Variants in ACVR1C observed in about 807,000 individuals in gnomAD.
ACVR1C encodes activin A receptor type 1C.
In ACVR1C, 23 loss-of-function variants were observed where a neutral mutation model predicts 57.9. The ratio of observed to expected loss-of-function variants is 0.40; its 90% CI spans 0.29 to 0.56. The LOEUF (loss-of-function observed/expected upper bound fraction) is 0.56, where lower values mean the gene tolerates loss of function less well. Among genes scored for constraint, ACVR1C ranks in the 20% least tolerant of loss-of-function variants. The pLI is 0.50. For synonymous variants in ACVR1C, 214 were observed against 215.3 expected (o/e 0.99, Z 0.05); for missense variants, 480 against 607.9 (o/e 0.79, Z 2.21).
chr2:157,574,707 A>C (rs571372350), intron 2 of ACVR1C, among the ~76,000 whole-genome samples: 105 of 152,308 alleles, frequency 6.9e-4, no homozygotes, highest in African/African-American at 2.4e-3. Context: ...ATTGGGTTTA[A>C]CTACAAATAA....
At position 157,527,466 on chromosome 2, in the gene ACVR1C, TAAG is replaced by T. The variant is rs1687254735; in HGVS notation, c.*6449_*6451del. Reference sequence around the variant, plus strand: ...GACATTTGTAATATGTTCTTAGGTATAAGAAGAGTCACGCTACCAAAAGAAAAG... The same window carrying T: ...GACATTTGTAATATGTTCTTAGGTATAAGAGTCACGCTACCAAAAGAAAAG... On this transcript the variant is annotated 3_prime_UTR_variant, in exon 9 of 9. Coordinates refer to ENST00000243349, the MANE Select transcript of ACVR1C (RefSeq NM_145259.3). The T allele has an allele frequency of 6.6e-6, 1 of 152,190 alleles. No individual in the cohort carries two copies. The highest frequency in any genetic ancestry group is 2.4e-5 in the African/African-American group (1 of 41,452). The allele number at this position is 152,190 out of a possible 1,614,324, so 9.4% of individuals were successfully genotyped here. A position where few individuals can be genotyped will look rare whatever the true frequency, so the allele number is the denominator to read the frequency against.
intron 1 of ACVR1C, among the ~76,000 whole-genome samples, chr2:157,623,265 C>G (rs1417221512): frequency 6.6e-6 from 1 of 152,028 alleles, no homozygotes; most frequent in Non-Finnish European, 1.5e-5. Flanking sequence ...GGATATAACC[C>G]AAAAGAAAGA....
At chr2:157,572,326 C>T (rs1222985684) in intron 2 of ACVR1C, among the ~76,000 whole-genome samples, 1 of 146,964 alleles carries the variant, frequency 6.8e-6, no homozygotes, top group Admixed American at 6.8e-5. Context: ...TGTAACTAAC[C>T]TGCACAATGT....
chr2:157,583,032 C>A (rs1200253786), intron 2 of ACVR1C, among the ~76,000 whole-genome samples: 1 of 152,024 alleles, frequency 6.6e-6, no homozygotes, highest in Non-Finnish European at 1.5e-5. Flanking sequence ...CAGGCGCGTA[C>A]TAATTTTTAG....
intron 2 of ACVR1C, among the ~76,000 whole-genome samples, chr2:157,573,451 G>A (rs1688571704): frequency 6.6e-6 from 1 of 151,906 alleles, no homozygotes. Context: ...AAATCTGGAG[G>A]GAAAAATCAG....
intron 1 of ACVR1C, among the ~76,000 whole-genome samples, chr2:157,617,707 T>A (rs569886813): frequency 6.6e-6 from 1 of 152,010 alleles, no homozygotes; most frequent in Non-Finnish European, 1.5e-5. Context: ...GAAAATATAC[T>A]GCTATGTGTA....
At chr2:157,562,629 G>C (rs1380067036) in intron 2 of ACVR1C, among the ~76,000 whole-genome samples, 1 of 151,970 alleles carries the variant, frequency 6.6e-6, no homozygotes. Context: ...TATGAGGGCA[G>C]CATCATCCTG....
At chr2:157,565,561 T>C (rs376865359) in intron 2 of ACVR1C, among the ~76,000 whole-genome samples, 1 of 152,160 alleles carries the variant, frequency 6.6e-6, no homozygotes. Flanking sequence ...GAACCTTATA[T>C]ACTGAATAAG....
chr2:157,556,855 G>A (rs1688114549), intron 2 of ACVR1C, among the ~76,000 whole-genome samples: 1 of 151,724 alleles, frequency 6.6e-6, no homozygotes, highest in South Asian at 2.1e-4. Flanking sequence ...TAGAGACAGG[G>A]TTTCACCATG....
intron 2 of ACVR1C, among the ~76,000 whole-genome samples, chr2:157,577,507 T>C (rs1382935595): frequency 1.3e-5 from 2 of 152,208 alleles, no homozygotes; most frequent in African/African-American, 4.8e-5. Context: ...TGTTAAAAAG[T>C]GATATTTTTA....
At chr2:157,624,393 G>C (rs1682854178) in intron 1 of ACVR1C, among the ~76,000 whole-genome samples, 2 of 152,180 alleles carry the variant, frequency 1.3e-5, no homozygotes, top group African/African-American at 4.8e-5. Flanking sequence ...CAACAAAGTG[G>C]GTCTTGGCTA....
chr2:157,589,924 A>G (rs2105259457), intron 1 of ACVR1C, among the ~76,000 whole-genome samples: 1 of 152,120 alleles, frequency 6.6e-6, no homozygotes, highest in African/African-American at 2.4e-5. Context: ...AAAAACTGAC[A>G]CTGGGGAAAG....
Position 157,547,581 on chromosome 2 carries a change from T to A in ACVR1C, c.775+2581A>T, listed in dbSNP as rs1159024790. On this transcript the variant is annotated intron_variant, in intron 4 of 8. Transcript: ENST00000243349. ...CTCTGATGGCCAGTGACGGTGAGCA[T>A]TTTTTCATGTGTTTTTTGGCTGCAT... is the stretch of plus-strand genomic sequence containing the variant. 8.2e-5 allele frequency among the ~76,000 whole-genome samples: 12 copies of A among 145,766 alleles called. No individual in the cohort carries two copies. The South Asian group carries it at 2.7e-3, about 33-fold the overall frequency.
chr2:157,545,378 A>C (rs963042647), intron 4 of ACVR1C, among the ~76,000 whole-genome samples: 1 of 152,240 alleles, frequency 6.6e-6, no homozygotes, highest in African/African-American at 2.4e-5. Flanking sequence ...CAGATGCTGT[A>C]TATATGACAG....
chr2:157,624,762 C>T (rs970922757), intron 1 of ACVR1C, among the ~76,000 whole-genome samples: 1 of 152,170 alleles, frequency 6.6e-6, no homozygotes, highest in Non-Finnish European at 1.5e-5. Flanking sequence ...GTCTTCACTT[C>T]TCTTTTTAAT....
chr2:157,566,769 C>T (rs1274419654), intron 2 of ACVR1C, among the ~76,000 whole-genome samples: 2 of 151,718 alleles, frequency 1.3e-5, no homozygotes, highest in Non-Finnish European at 3.0e-5. Context: ...TGCAAGGCGG[C>T]AACGAGGCTG....
chr2:157,594,855 G>C (rs1682051763), intron 1 of ACVR1C, among the ~76,000 whole-genome samples: 1 of 152,182 alleles, frequency 6.6e-6, no homozygotes, highest in African/African-American at 2.4e-5. Flanking sequence ...AGCAATTAGA[G>C]CTTAAAACTG....
chr2:157,596,191 GAGGTTTTTATA>G (rs1481165654), intron 1 of ACVR1C, among the ~76,000 whole-genome samples: 11 of 152,214 alleles, frequency 7.2e-5, no homozygotes, highest in Non-Finnish European at 2.9e-5. Flanking sequence ...CAATTTGAAA[GAGGTTTTTATA>G]AAGATATAGA....
intron 1 of ACVR1C, among the ~76,000 whole-genome samples, chr2:157,624,448 C>T (rs1682855204): frequency 6.6e-6 from 1 of 152,150 alleles, no homozygotes; most frequent in Non-Finnish European, 1.5e-5. Context: ...AAAGTGTATT[C>T]AAAAGGAAAC....
Sources: allele counts gnomAD v4.1 joint callset (sites outside exome capture counted in the v4.1 genomes callset), GRCh38; gene constraint gnomAD v4.1.1; transcripts MANE v1.5; gene names NCBI Gene and HGNC (gene_info 2026-07-23, HGNC 2026-07-21).